KIAA2012: variants seen among roughly 807,000 people sequenced by gnomAD.
The protein encoded by KIAA2012 is KIAA2012.
Under a neutral mutation model 150.6 loss-of-function variants are expected in KIAA2012, and 125 were observed. The ratio of observed to expected loss-of-function variants is 0.83; its 90% CI spans 0.72 to 0.96. KIAA2012 has a LOEUF of 0.96. Among genes scored for constraint, KIAA2012 ranks in the 40% least tolerant of loss-of-function variants. The pLI is 0.00. For synonymous variants in KIAA2012, 462 were observed against 504.7 expected, an observed-to-expected ratio of 0.92 and a Z score of 1.13; for missense variants, 1,219 against 1,354.9, an observed-to-expected ratio of 0.90 and a Z score of 1.57.
Position 202,205,158 on chromosome 2 carries a change from G to A in KIAA2012, c.*181G>A, listed in dbSNP as rs1010809801. On this transcript the variant is annotated 3_prime_UTR_variant, in exon 24 of 24. Transcript: ENST00000498697. ...GCACACATTTAAGTTAACCATATCAGAGTGCAATGCATTTCGAAAAATCCA... is the reference window on the plus strand; with the variant it reads ...GCACACATTTAAGTTAACCATATCAAAGTGCAATGCATTTCGAAAAATCCA... The A allele has an allele frequency of 1.3e-5, 2 of 152,202 alleles. No homozygotes were observed. Among genetic ancestry groups the A allele is most frequent in the African/African-American group, 2.4e-5 (1 of 41,448 alleles). The allele number at this position is 152,202 out of a possible 1,614,324, so 9.4% of individuals were successfully genotyped here. A position where few individuals can be genotyped will look rare whatever the true frequency, so the allele number is the denominator to read the frequency against.
chr2:202,108,727 G>T (rs1049632394), intron 9 of KIAA2012, among the ~76,000 whole-genome samples: 2 of 152,190 alleles, frequency 1.3e-5, no homozygotes, highest in African/African-American at 4.8e-5. Context: ...TCCACTGTAA[G>T]TGATGTTAAA....
chr2:202,079,672 T>C (rs1045389473), intron 2 of KIAA2012, among the ~76,000 whole-genome samples: 27 of 152,218 alleles, frequency 1.8e-4, no homozygotes, highest in African/African-American at 5.3e-4. Context: ...GTCAGCATTC[T>C]TAGACTTCTG....
chr2:202,165,929 T>C (rs1453776536), intron 15 of KIAA2012, among the ~76,000 whole-genome samples: 1 of 152,216 alleles, frequency 6.6e-6, no homozygotes, highest in Non-Finnish European at 1.5e-5. Context: ...GTTAAGCTTC[T>C]AAGCAGATTT....
rs747193404 is a variant in KIAA2012 at position 202,090,799 on chromosome 2, C to T, written c.399C>T (p.Tyr133=). 481 of 1,550,394 alleles carry T rather than the reference C, an allele frequency of 3.1e-4. No individual in the cohort carries two copies. Among genetic ancestry groups the T allele is most frequent in the Non-Finnish European group, 4.0e-4 (458 of 1,146,912 alleles). The change falls in exon 3 of 24, where the codon TAC becomes TAT. Residue 133 remains tyrosine, a synonymous_variant. Transcript: ENST00000498697. ...QGEQDRAWQP[Y]LHFRSQLESQ... is the part of the protein sequence containing the mutation. ...AGCAGGACAGAGCCTGGCAACCATA[C>T]CTCCACTTCCGAAGCCAGCTGGAGA... is the stretch of plus-strand genomic sequence containing the variant.
At chr2:202,165,253 A>G (rs1450875149) in intron 14 of KIAA2012, 31 bp from the exon 15 acceptor site, 1 of 1,538,910 alleles carries the variant, frequency 6.5e-7, no homozygotes, top group Non-Finnish European at 8.8e-7. Context: ...ATTATGTCTA[A>G]TGTATTCTTT....
At chr2:202,156,681 C>G (rs905556653) in intron 14 of KIAA2012, among the ~76,000 whole-genome samples, 3 of 152,084 alleles carry the variant, frequency 2.0e-5, no homozygotes, top group Non-Finnish European at 2.9e-5. Flanking sequence ...GTCAGGAGAT[C>G]GAGACCAGCC....
intron 2 of KIAA2012, among the ~76,000 whole-genome samples, chr2:202,081,152 G>C (rs987057216): frequency 6.6e-6 from 1 of 152,192 alleles, no homozygotes; most frequent in African/African-American, 2.4e-5. Context: ...TTAGAAGAAT[G>C]AATTCATGTT....
intron 14 of KIAA2012, among the ~76,000 whole-genome samples, chr2:202,159,842 C>CA: frequency 6.6e-6 from 1 of 151,958 alleles, no homozygotes; most frequent in African/African-American, 2.4e-5. Context: ...AAGTCTGTCT[C>CA]AAAAAAATAA....
At chr2:202,191,223 G>C (rs1039501460) in intron 19 of KIAA2012, among the ~76,000 whole-genome samples, 1 of 151,082 alleles carries the variant, frequency 6.6e-6, no homozygotes, top group Admixed American at 6.6e-5. Flanking sequence ...GTTGCAGTGA[G>C]CCGAGATCAC....
Position 202,109,783 on chromosome 2 carries a change from G to A in KIAA2012, c.1645G>A (p.Ala549Thr). The A allele has an allele frequency of 6.5e-7, 1 of 1,546,738 alleles. No individual in the cohort carries two copies. The highest frequency in any genetic ancestry group is 8.7e-7 in the Non-Finnish European group (1 of 1,145,752). Residue 549 changes from alanine (A) to threonine (T), a missense_variant, in exon 10 of 24, where the codon GCT becomes ACT. Physicochemically the swap from Ala to Thr is moderately conservative, Grantham distance 58 (BLOSUM62 0). Transcript: ENST00000498697. ...MRVPRRALPA[A>T]QEDSSDPTLG... ...AGTGCCCAGGAGGGCACTGCCAGCAGCTCAAGGTAATCATTCCCAGAGTGC... is the reference window on the plus strand; with the variant it reads ...AGTGCCCAGGAGGGCACTGCCAGCAACTCAAGGTAATCATTCCCAGAGTGC...
Position 202,082,841 on chromosome 2 carries a change from C to T in KIAA2012, c.369+7666C>T, listed in dbSNP as rs549348793. ...TTTGTAAATGGTGTACGGTAAGAGT[C>T]CAATTTCATTTTTTTTTTTTTTTTG... On this transcript the variant is annotated intron_variant, in intron 2 of 23. Transcript: ENST00000498697. Among the ~76,000 whole-genome samples the T allele has an allele frequency of 2.9e-4, 24 of 82,920 alleles. 1 individual carries two copies. In the East Asian group the frequency reaches 9.2e-3, roughly 32 times the overall value. 54.4% of individuals were successfully genotyped at this position (82,920 alleles called of 152,430 possible). A position where few individuals can be genotyped will look rare whatever the true frequency, so the allele number is the denominator to read the frequency against.
At chr2:202,177,264 C>T (rs913491193) in intron 15 of KIAA2012, among the ~76,000 whole-genome samples, 37 of 152,100 alleles carry the variant, frequency 2.4e-4, no homozygotes, top group Admixed American at 2.4e-3. Context: ...ATATTGTTTA[C>T]ATGTGCATGT....
intron 15 of KIAA2012, among the ~76,000 whole-genome samples, chr2:202,173,327 T>C (rs1487309983): frequency 2.0e-5 from 3 of 152,148 alleles, no homozygotes; most frequent in African/African-American, 7.2e-5. Context: ...CCCAGCACTA[T>C]GGGAGGCCAA....
chr2:202,123,069 C>T (rs979162835), intron 11 of KIAA2012, among the ~76,000 whole-genome samples: 4 of 152,156 alleles, frequency 2.6e-5, no homozygotes, highest in African/African-American at 9.7e-5. Context: ...TTTTCTGGCT[C>T]CTGGGCTGTA....
chr2:202,132,306 T>G (rs886748454), intron 12 of KIAA2012, among the ~76,000 whole-genome samples: 2 of 152,164 alleles, frequency 1.3e-5, no homozygotes, highest in African/African-American at 4.8e-5. Flanking sequence ...GAGACTGGAT[T>G]GGAAGAGATA....
chr2:202,183,194 C>T (rs955698580), intron 15 of KIAA2012, among the ~76,000 whole-genome samples: 1 of 151,926 alleles, frequency 6.6e-6, no homozygotes, highest in Non-Finnish European at 1.5e-5. Context: ...CTGAGGCGGG[C>T]GGATCGCTTG....
At chr2:202,136,197 A>C (rs1012235191) in intron 12 of KIAA2012, 38 of 185,070 alleles carry the variant, frequency 2.1e-4, no homozygotes, top group Non-Finnish European at 2.7e-4. Flanking sequence ...GCAGACCTTC[A>C]TGGTGAGTGT....
intron 13 of KIAA2012, among the ~76,000 whole-genome samples, chr2:202,139,193 A>G (rs1159868683): frequency 6.6e-6 from 1 of 150,866 alleles, no homozygotes; most frequent in African/African-American, 2.4e-5. Flanking sequence ...GTGAGCTGAG[A>G]TCATGCTGCA....
intron 12 of KIAA2012, among the ~76,000 whole-genome samples, chr2:202,133,765 G>T (rs1691008765): frequency 6.6e-6 from 1 of 152,128 alleles, no homozygotes; most frequent in Admixed American, 6.6e-5. Flanking sequence ...CTCGTCCCAA[G>T]AATTTGATAA....
Sources: gnomAD v4.1 joint callset for allele counts (sites outside exome capture counted in the v4.1 genomes callset) on GRCh38, gnomAD v4.1.1 for gene constraint, MANE v1.5 for transcripts, NCBI Gene and HGNC (gene_info 2026-07-23, HGNC 2026-07-21) for gene names.